The following MTMR14 variants were observed in gnomAD, a reference collection of about 807,000 sequenced individuals.
The protein encoded by MTMR14 is phosphatidylinositol-3,5-bisphosphate 3-phosphatase MTMR14.
Under a neutral mutation model 86.3 loss-of-function variants are expected in MTMR14, and 48 were observed. That is an observed-to-expected ratio of 0.56 (90% CI 0.44 to 0.71). The LOEUF is 0.71. Ranked by LOEUF, MTMR14 falls within the 30% of genes least tolerant of loss-of-function variation. MTMR14 has a pLI of 0.00. For synonymous variants in MTMR14, 366 were observed against 326.1 expected, an observed-to-expected ratio of 1.12 and a Z score of -1.32; for missense variants, 780 against 834.6, an observed-to-expected ratio of 0.93 and a Z score of 0.81.
chr3:9,676,420 A>G (rs1346926383), intron 7 of MTMR14, among the ~76,000 whole-genome samples: 1 of 152,270 alleles, frequency 6.6e-6, no homozygotes, highest in Non-Finnish European at 1.5e-5. Context: ...CTCCAAGCGC[A>G]GAGCAAAGTA....
chr3:9,662,207 A>G, intron 2 of MTMR14, 60 bp from the exon 3 acceptor site: 4 of 1,251,612 alleles, frequency 3.2e-6, no homozygotes, highest in Non-Finnish European at 4.7e-6. Flanking sequence ...GAATAAACAC[A>G]TATACACAAA....
intron 2 of MTMR14, among the ~76,000 whole-genome samples, chr3:9,661,578 T>C (rs1574951677): frequency 6.6e-6 from 1 of 152,044 alleles, no homozygotes; most frequent in Non-Finnish European, 1.5e-5. Context: ...AAAAAATAGA[T>C]AGTCACAAAA....
chr3:9,653,749 T>G lies in MTMR14; in HGVS notation c.288T>G (p.Ser96Arg). 1 of 1,613,970 alleles carries G rather than the reference T, an allele frequency of 6.2e-7. No individual in the cohort carries two copies. The highest frequency in any genetic ancestry group is 8.5e-7 in the Non-Finnish European group (1 of 1,179,992). Residue 96 changes from serine to arginine, a missense_variant, in exon 2 of 19, where the codon AGT (serine) becomes AGG (arginine). By Grantham distance (110) the Ser-to-Arg change is moderately radical (BLOSUM62 -1). Transcript: ENST00000296003. Reference protein sequence around the residue: ...PRHIVFLEYESSEKEKDTFES... With the variant: ...PRHIVFLEYERSEKEKDTFES... Reference sequence around the variant, plus strand: ...ACATCGTGTTCCTGGAGTATGAGAGTTCTGAGAAGGAGAAAGACACGTGAG... The same window carrying G: ...ACATCGTGTTCCTGGAGTATGAGAGGTCTGAGAAGGAGAAAGACACGTGAG...
At chr3:9,675,748 A>G in intron 7 of MTMR14, 1 of 456,006 alleles carries the variant, frequency 2.2e-6, no homozygotes, top group Non-Finnish European at 4.4e-6. Flanking sequence ...TCTGCATCAT[A>G]GGCGGGTCTG....
chr3:9,672,635 G>A, intron 6 of MTMR14, 50 bp from the exon 7 acceptor site: 5 of 1,467,468 alleles, frequency 3.4e-6, no homozygotes, highest in Non-Finnish European at 3.8e-6. Context: ...AATGGTGTGT[G>A]TTTGTGTGTG....
In MTMR14 at chr3:9,702,124, A is replaced by G; in HGVS notation, c.*151A>G. The G allele has an allele frequency of 9.8e-7, 1 of 1,018,976 alleles. No homozygotes were observed. Among genetic ancestry groups the G allele is most frequent in the Non-Finnish European group, 1.5e-6 (1 of 676,638 alleles). The allele number at this position is 1,018,976 out of a possible 1,614,324, so 63.1% of individuals were successfully genotyped here. On this transcript the variant is annotated 3_prime_UTR_variant, in exon 19 of 19. Coordinates refer to ENST00000296003, the MANE Select transcript of MTMR14 (RefSeq NM_001077525.3). ...GAACATGGCAGCCCCAAAGCTGAGCAAGGCCAAAGACAGGGTTTTCCAACC... is the reference window on the plus strand; with the variant it reads ...GAACATGGCAGCCCCAAAGCTGAGCGAGGCCAAAGACAGGGTTTTCCAACC...
chr3:9,699,470 T>C (rs536247419), intron 18 of MTMR14: 16 of 152,302 alleles, frequency 1.1e-4, no homozygotes, highest in Admixed American at 5.2e-4. Flanking sequence ...GTGGTCAGAG[T>C]TGATTCCTGT....
chr3:9,690,188 C>T (rs774161382), intron 17 of MTMR14, 45 bp downstream of exon 17: 3 of 1,605,908 alleles, frequency 1.9e-6, no homozygotes, highest in Admixed American at 1.7e-5. Flanking sequence ...CCTAGCTTTC[C>T]CCCTTAATAA....
At chr3:9,653,870 C>T in intron 2 of MTMR14, 101 bp downstream of exon 2, 8 of 1,497,364 alleles carry the variant, frequency 5.3e-6, no homozygotes, top group Non-Finnish European at 5.6e-6. Context: ...ATCACTTTCC[C>T]CAGGTGTTAA....
intron 17 of MTMR14, among the ~76,000 whole-genome samples, chr3:9,692,216 C>T (rs1417838379): frequency 1.3e-5 from 2 of 152,134 alleles, no homozygotes; most frequent in East Asian, 3.9e-4. Context: ...AATGTGAATT[C>T]TTTGGGTTTT....
intron 5 of MTMR14, among the ~76,000 whole-genome samples, chr3:9,670,121 A>G (rs1488941032): frequency 6.6e-6 from 1 of 152,258 alleles, no homozygotes; most frequent in African/African-American, 2.4e-5. Flanking sequence ...GCTCCTTTGC[A>G]TGGTCTGTAC....
intron 17 of MTMR14, among the ~76,000 whole-genome samples, chr3:9,695,952 C>T (rs2076269463): frequency 6.6e-6 from 1 of 152,168 alleles, no homozygotes; most frequent in Admixed American, 6.5e-5. Flanking sequence ...CAAGTTTCTC[C>T]ATCTAGAAAC....
chr3:9,668,834 C>G (rs1217932519), intron 4 of MTMR14, 40 bp downstream of exon 4: 2 of 1,604,190 alleles, frequency 1.2e-6, no homozygotes, highest in Admixed American at 3.3e-5. Flanking sequence ...GAATGAGAAC[C>G]CAGTCATAGA....
At position 9,677,976 on chromosome 3, in the gene MTMR14, G is replaced by A. The variant is rs756278103; in HGVS notation, c.823-8G>A. On this transcript the variant is annotated splice_polypyrimidine_tract_variant and splice_region_variant and intron_variant, in intron 8 of 18. Coordinates refer to ENST00000296003, the MANE Select transcript of MTMR14 (RefSeq NM_001077525.3). This position sits in a 1 kb window ranked among gnomAD's most constrained non-coding sequence, Gnocchi z 4.2. ...ACCCACATCTCACAGGAGTCTTTCT[G>A]TCCCCAGGACTACGTTGATGCCCCA... The A allele has an allele frequency of 1.2e-6, 2 of 1,613,688 alleles. No homozygotes were observed. Among genetic ancestry groups the A allele is most frequent in the African/African-American group, 2.7e-5 (2 of 74,890 alleles).
At chr3:9,653,803 G>T (rs753684094) in intron 2 of MTMR14, 34 bp downstream of exon 2, 49 of 1,613,838 alleles carry the variant, frequency 3.0e-5, no homozygotes, top group South Asian at 2.1e-4. Flanking sequence ...TACATGTCTG[G>T]GGAGTCCGTG....
At chr3:9,667,168 A>G (rs554868197) in intron 3 of MTMR14, among the ~76,000 whole-genome samples, 73 of 152,356 alleles carry the variant, frequency 4.8e-4, no homozygotes, top group African/African-American at 1.7e-3. Context: ...AATAATGCAA[A>G]GGAGAGTGAG....
chr3:9,682,933 G>GCCCCCCCC (rs879461070), intron 9 of MTMR14, among the ~76,000 whole-genome samples: 1 of 142,054 alleles, frequency 7.0e-6, no homozygotes, highest in South Asian at 2.3e-4. Flanking sequence ...TTGGGTCAGA[G>GCCCCCCCC]CCCCCCCCCC....
chr3:9,652,110 A>G (rs13315693), intron 1 of MTMR14, among the ~76,000 whole-genome samples: 4,022 of 152,234 alleles, frequency 0.026, 168 homozygotes, highest in African/African-American at 0.091. Context: ...GATTACAGGC[A>G]TGAGCCACTG....
chr3:9,655,707 C>T (rs566531020), intron 2 of MTMR14, among the ~76,000 whole-genome samples: 189 of 151,526 alleles, frequency 1.2e-3, no homozygotes, highest in African/African-American at 4.1e-3. Context: ...ATGATCCAGC[C>T]GCCTCGGCCT....
Sources: allele counts gnomAD v4.1 joint callset (sites outside exome capture counted in the v4.1 genomes callset), GRCh38; gene constraint gnomAD v4.1.1; non-coding constraint Gnocchi (gnomAD v3.1); transcripts MANE v1.5; gene names NCBI Gene and HGNC (gene_info 2026-07-23, HGNC 2026-07-21).